DRAM2: variants seen among roughly 807,000 people sequenced by gnomAD.
DRAM2 encodes the protein DNA damage regulated autophagy modulator 2.
Under a neutral mutation model 33.5 loss-of-function variants are expected in DRAM2, and 26 were observed. The ratio of observed to expected loss-of-function variants is 0.78; its 90% CI spans 0.57 to 1.08. The LOEUF (loss-of-function observed/expected upper bound fraction) is 1.08. DRAM2 is among the 50% of genes least tolerant of loss of function. The probability of loss-of-function intolerance (pLI) is 0.00; values close to 1 mark genes in which losing one functional copy is unlikely to be tolerated. For synonymous variants in DRAM2, 98 were observed against 109.5 expected (o/e 0.89, Z 0.66); for missense variants, 311 against 318.1 (o/e 0.98, Z 0.17).
intron 9 of DRAM2, chr1:111,118,546 TAAC>T: frequency 2.0e-6 from 1 of 488,886 alleles, no homozygotes; most frequent in Non-Finnish European, 3.6e-6. Context: ...ACAGAATCGA[TAAC>T]AAATTCTATG....
chr1:111,124,779 A>G lies in DRAM2; in HGVS notation c.302T>C (p.Leu101Pro). 1 of 1,613,600 alleles carries G rather than the reference A, an allele frequency of 6.2e-7. No homozygotes were observed. The change falls in exon 6 of 10, where the codon CTG becomes CCG. Residue 101 changes from leucine (L) to proline (P), a missense_variant. Transcript: ENST00000484310. The part of the protein sequence containing the change: ...LNKAGLVLGI[L>P]SCLGLSIVAN... The stretch of plus-strand genomic sequence containing the variant: ...CACAATAGAAAGTCCTAAACAACTC[A>G]GTATTCCAAGTACAAGGCCAGCCTT...
Position 111,139,564 on chromosome 1 carries a change from T to A in DRAM2, c.-142A>T, listed in dbSNP as rs1188948005. On this transcript the variant is annotated 5_prime_UTR_variant, in exon 2 of 10. Transcript: ENST00000484310. The stretch of plus-strand genomic sequence containing the variant: ...AGCTTTTGTGGGAAAGGGTTGAAGA[T>A]TCTTGGTAACTGCTTCAACAAACCA... 1 of 152,232 alleles carries A rather than the reference T, an allele frequency of 6.6e-6. No individual in the cohort carries two copies. Among genetic ancestry groups the A allele is most frequent in the Non-Finnish European group, 1.5e-5 (1 of 68,072 alleles). 9.4% of individuals were successfully genotyped at this position (152,232 alleles called of 1,614,324 possible).
At chr1:111,138,643 G>A (rs1653800280) in intron 2 of DRAM2, among the ~76,000 whole-genome samples, 1 of 152,156 alleles carries the variant, frequency 6.6e-6, no homozygotes, top group African/African-American at 2.4e-5. Flanking sequence ...AATTAGCTGG[G>A]CGTGGTGGCG....
In DRAM2 at chr1:111,131,520, G is replaced by A; in HGVS notation, c.35C>T (p.Pro12Leu). 2 of 1,614,154 alleles carry A rather than the reference G, an allele frequency of 1.2e-6. No homozygotes were observed. Among genetic ancestry groups the A allele is most frequent in the Non-Finnish European group, 8.5e-7 (1 of 1,180,018 alleles). Residue 12 changes from proline (P) to leucine (L), a missense_variant, in exon 4 of 10, where the codon CCT (proline) becomes CTT (leucine). Transcript: ENST00000484310. ...WWFQQGLSFL[P>L]SALVIWTSAA... ...AGATGTCCAAATTACAAGGGCTGAA[G>A]GAAGGAAACTGAGGCCTTGCTGAAA... is the stretch of plus-strand genomic sequence containing the variant.
At chr1:111,120,489 G>A (rs779666984) in intron 7 of DRAM2, 27 bp downstream of exon 7, 1 of 1,369,200 alleles carries the variant, frequency 7.3e-7, no homozygotes, top group Non-Finnish European at 9.6e-7. Context: ...CTTTCCAAGT[G>A]TAGCCACATT....
At chr1:111,135,071 G>C (rs1652896807) in intron 3 of DRAM2, among the ~76,000 whole-genome samples, 1 of 152,166 alleles carries the variant, frequency 6.6e-6, no homozygotes, top group Non-Finnish European at 1.5e-5. Flanking sequence ...ATCTCCCTTT[G>C]CCAGGAGGGA....
chr1:111,133,790 A>C (rs1032769492), intron 3 of DRAM2, among the ~76,000 whole-genome samples: 9 of 152,228 alleles, frequency 5.9e-5, no homozygotes, highest in African/African-American at 2.2e-4. Context: ...CAAATGTGTC[A>C]TGCTCTCTAG....
chr1:111,133,432 C>T (rs1403436241), intron 3 of DRAM2, among the ~76,000 whole-genome samples: 2 of 152,182 alleles, frequency 1.3e-5, no homozygotes, highest in East Asian at 1.9e-4. Flanking sequence ...CCTGCCTTGG[C>T]CTCCCAAAGT....
chr1:111,128,223 A>AGAATTTTGC (rs769764026), intron 4 of DRAM2, among the ~76,000 whole-genome samples: 17 of 151,688 alleles, frequency 1.1e-4, no homozygotes, highest in Admixed American at 5.2e-4. Context: ...GGAACTGAAA[A>AGAATTTTGC]GAATTTTGCA....
rs753451439 is a variant in DRAM2 at position 111,120,600 on chromosome 1, G to T, written c.433C>A (p.Gln145Lys). The change falls in exon 7 of 10, where the codon CAA (glutamine) becomes AAA (lysine). Residue 145 changes from glutamine to lysine, a missense_variant. Physicochemically the swap from Gln to Lys is moderately conservative, Grantham distance 53. Coordinates refer to ENST00000484310, the MANE Select transcript of DRAM2 (RefSeq NM_001349884.2). Reference sequence around the variant, plus strand: ...TTGCCATGGATTTTGGGCTGCATTTGGTAGGAAAGGATGGTCTGAACAAAC... The same window carrying T: ...TTGCCATGGATTTTGGGCTGCATTTTGTAGGAAAGGATGGTCTGAACAAAC... The part of the protein sequence containing the change: ...YMFVQTILSY[Q>K]MQPKIHGKQV... 5 of 1,611,832 alleles carry T rather than the reference G, an allele frequency of 3.1e-6. No homozygotes were observed. In the African/African-American group the frequency reaches 4.0e-5, roughly 13 times the overall value.
At chr1:111,136,183 T>C (rs185390598) in intron 3 of DRAM2, among the ~76,000 whole-genome samples, 11 of 152,342 alleles carry the variant, frequency 7.2e-5, no homozygotes, top group Admixed American at 5.9e-4. Flanking sequence ...TCCTAAAGTA[T>C]TCCTCTGCTC....
Position 111,124,775 on chromosome 1 carries a change from A to G in DRAM2, c.306T>C (p.Ser102=), listed in dbSNP as rs369428232. The G allele has an allele frequency of 6.4e-5, 104 of 1,613,524 alleles. No individual in the cohort carries two copies. The highest frequency in any genetic ancestry group is 2.5e-4 in the Admixed American group (15 of 59,968). Residue 102 remains serine (S), a synonymous_variant, in exon 6 of 10, where the codon AGT becomes AGC. Coordinates refer to ENST00000484310, the MANE Select transcript of DRAM2 (RefSeq NM_001349884.2). The part of the protein sequence containing the change: ...NKAGLVLGIL[S]CLGLSIVANF... ...TTGCCACAATAGAAAGTCCTAAACA[A>G]CTCAGTATTCCAAGTACAAGGCCAG...
rs1043096 is a variant in DRAM2 at position 111,139,685 on chromosome 1, G to C, written c.-244-19C>G. On this transcript the variant is annotated intron_variant, in intron 1 of 9. Coordinates refer to ENST00000484310, the MANE Select transcript of DRAM2 (RefSeq NM_001349884.2). ...GCTTTGCCTGGGACCAGGAAAAGAC[G>C]CGAGAGACGGAACTCGGCATCAGGC... 0.15 allele frequency: 23,436 copies of C among 152,352 alleles called. 2,194 individuals carry two copies. Among genetic ancestry groups the C allele is most frequent in the South Asian group, 0.28 (1,340 of 4,824 alleles). The allele number at this position is 152,352 out of a possible 1,614,324, so 9.4% of individuals were successfully genotyped here. A position where few individuals can be genotyped will look rare whatever the true frequency, so the allele number is the denominator to read the frequency against.
chr1:111,137,611 G>C (rs1653498603), intron 2 of DRAM2, 25 bp from the exon 3 acceptor site: 1 of 152,112 alleles, frequency 6.6e-6, no homozygotes, highest in African/African-American at 2.4e-5. Flanking sequence ...AAGAAAATAA[G>C]AAGTTTTTCT....
chr1:111,118,835 A>G lies in DRAM2; in HGVS notation c.663T>C (p.Gly221=), dbSNP rs1649426156. ...AATCACGAATGTAAGTCAGGAAAAA[A>G]CCAAAGAAGGAAAATGACATAGACC... ...AEWSMSFSFF[G]FFLTYIRDFQ... is the part of the protein sequence containing the mutation. Residue 221 remains glycine, a synonymous_variant, in exon 9 of 10, where the codon GGT becomes GGC. Transcript: ENST00000484310. The G allele has an allele frequency of 6.2e-7, 1 of 1,610,118 alleles. No individual in the cohort carries two copies. Among genetic ancestry groups the G allele is most frequent in the Non-Finnish European group, 8.5e-7 (1 of 1,177,652 alleles).
At chr1:111,126,672 C>G (rs1651085472) in intron 4 of DRAM2, among the ~76,000 whole-genome samples, 1 of 151,908 alleles carries the variant, frequency 6.6e-6, no homozygotes, top group Admixed American at 6.6e-5. Context: ...CTTTTTGCAC[C>G]TTTTGTTGAC....
At chr1:111,136,466 G>A (rs1191348404) in intron 3 of DRAM2, among the ~76,000 whole-genome samples, 1 of 152,066 alleles carries the variant, frequency 6.6e-6, no homozygotes, top group Non-Finnish European at 1.5e-5. Context: ...TCGGGAGGTT[G>A]AAGTAGGAGA....
intron 6 of DRAM2, chr1:111,122,471 A>G (rs2101029319): frequency 6.6e-6 from 1 of 152,316 alleles, no homozygotes; most frequent in Middle Eastern, 3.4e-3. Flanking sequence ...TTTAAAACAC[A>G]GTGCTAGCCT....
In DRAM2 at chr1:111,121,133, A is replaced by G. The variant is rs193201964; in HGVS notation, c.340-440T>C. On this transcript the variant is annotated intron_variant, in intron 6 of 9. Transcript: ENST00000484310. ...TGTGTCTGATGGTGAAAAGGGTCAT[A>G]GGAAAAGCATAGTGCAATAAGAAAA... Among the ~76,000 whole-genome samples, 21 of 152,252 alleles carry G rather than the reference A, an allele frequency of 1.4e-4. No homozygotes were observed. In the East Asian group the frequency reaches 3.7e-3, roughly 27 times the overall value.
Sources: allele counts gnomAD v4.1 joint callset (sites outside exome capture counted in the v4.1 genomes callset), GRCh38; gene constraint gnomAD v4.1.1; transcripts MANE v1.5; gene names NCBI Gene and HGNC (gene_info 2026-07-23, HGNC 2026-07-21).